Variants in HERPUD2 observed in about 807,000 individuals in gnomAD.
HERPUD2 encodes homocysteine-responsive endoplasmic reticulum-resident ubiquitin-like domain member 2 protein.
A neutral mutation model predicts 49.9 loss-of-function variants in HERPUD2; 13 were observed. The observed-to-expected ratio is 0.26, with a 90% CI of 0.17 to 0.41. The LOEUF is 0.41. Ranked by LOEUF, HERPUD2 falls within the 10% of genes least tolerant of loss-of-function variation. The probability of loss-of-function intolerance (pLI) is 1.00; values close to 1 mark genes in which losing one functional copy is unlikely to be tolerated. For synonymous variants in HERPUD2, 172 were observed against 171.4 expected (o/e 1.00, Z -0.03); for missense variants, 449 against 492.2 (o/e 0.91, Z 0.83).
intron 2 of HERPUD2, among the ~76,000 whole-genome samples, chr7:35,674,814 C>T (rs1331288866): frequency 2.0e-5 from 3 of 152,062 alleles, no homozygotes; most frequent in Admixed American, 6.6e-5. Context: ...TAGAATGAGT[C>T]GAAGTTCCTC....
chr7:35,673,791 A>G (rs1785692922), intron 2 of HERPUD2, among the ~76,000 whole-genome samples: 1 of 152,130 alleles, frequency 6.6e-6, no homozygotes, highest in Non-Finnish European at 1.5e-5. Context: ...TTAATTCAAG[A>G]GCCATTTAGA....
intron 6 of HERPUD2, among the ~76,000 whole-genome samples, 178 bp downstream of exon 6, chr7:35,638,172 G>C (rs2115829814): frequency 6.6e-6 from 1 of 152,342 alleles, no homozygotes. Context: ...AGGGAAGACA[G>C]GGAGGAGCCA....
Position 35,676,144 on chromosome 7 carries a change from A to T in HERPUD2, c.148-2866T>A, listed in dbSNP as rs370483928. On this transcript the variant is annotated intron_variant, in intron 2 of 8. Transcript: ENST00000311350. ...GAATCCAAATAAGGTTCACACACAA[A>T]ATTTGACTGTTATGCCTCTTTTAAT... Among the ~76,000 whole-genome samples, 17 of 152,292 alleles carry T rather than the reference A, an allele frequency of 1.1e-4. 1 individual carries two copies. The East Asian group carries it at 3.3e-3, about 29-fold the overall frequency.
At chr7:35,647,458 T>C (rs1785077166) in intron 5 of HERPUD2, among the ~76,000 whole-genome samples, 1 of 152,176 alleles carries the variant, frequency 6.6e-6, no homozygotes, top group Admixed American at 6.5e-5. Context: ...CCTGAGTGCC[T>C]AGTACACAGC....
At position 35,674,906 on chromosome 7, in the gene HERPUD2, GTATCCTTTGTAATAA is replaced by G. The variant is rs967056319; in HGVS notation, c.148-1643_148-1629del. The stretch of plus-strand genomic sequence containing the variant: ...CGTCCTATGCATCTCTCTTCCATTT[GTATCCTTTGTAATAA>G]TATCCTTTGTAAGTGAGCAAATGTA... On this transcript the variant is annotated intron_variant, in intron 2 of 8. Transcript: ENST00000311350. Among the ~76,000 whole-genome samples the G allele has an allele frequency of 5.9e-5, 9 of 152,116 alleles. No homozygotes were observed. The South Asian group carries it at 1.0e-3, about 18-fold the overall frequency.
intron 5 of HERPUD2, among the ~76,000 whole-genome samples, chr7:35,656,078 C>T (rs1399795480): frequency 6.6e-6 from 1 of 152,142 alleles, no homozygotes; most frequent in Non-Finnish European, 1.5e-5. Context: ...AGGAGAATCT[C>T]TTGAACCAGA....
chr7:35,662,898 T>C (rs1201899852), intron 5 of HERPUD2, among the ~76,000 whole-genome samples: 2 of 152,258 alleles, frequency 1.3e-5, no homozygotes, highest in Admixed American at 6.5e-5. Flanking sequence ...TAGTTATTTC[T>C]TGCCTTCTGC....
At chr7:35,655,759 T>C (rs1280518289) in intron 5 of HERPUD2, among the ~76,000 whole-genome samples, 1 of 152,210 alleles carries the variant, frequency 6.6e-6, no homozygotes, top group Non-Finnish European at 1.5e-5. Flanking sequence ...CATCCCTCTT[T>C]GTAGATAAAG....
At chr7:35,686,808 TGGGGGGGG>T (rs1215387825) in intron 2 of HERPUD2, among the ~76,000 whole-genome samples, 387 of 4,306 alleles carry the variant, frequency 0.09, 93 homozygotes, top group South Asian at 0.23. Flanking sequence ...TTTGGGAGGC[TGGGGGGGG>T]GGGGGTGGGG....
intron 7 of HERPUD2, 106 bp from the exon 8 acceptor site, chr7:35,634,535 A>C: frequency 1.5e-6 from 1 of 667,664 alleles, no homozygotes; most frequent in South Asian, 2.1e-5. Flanking sequence ...TTAAAACTAT[A>C]ATAAATAAAA....
rs571167230 is a variant in HERPUD2 at position 35,647,690 on chromosome 7, C to T, written c.495-9218G>A. On this transcript the variant is annotated intron_variant, in intron 5 of 8. Coordinates refer to ENST00000311350, the MANE Select transcript of HERPUD2 (RefSeq NM_022373.5). ...CAAATGATAGACAAAATAGTCACTT[C>T]GGCAATGCTGTTAAGAATATAGGCC... is the stretch of plus-strand genomic sequence containing the variant. Among the ~76,000 whole-genome samples the T allele has an allele frequency of 6.7e-4, 102 of 152,250 alleles. 1 individual carries two copies. Among genetic ancestry groups the T allele is most frequent in the African/African-American group, 2.3e-3 (94 of 41,544 alleles).
At chr7:35,675,325 T>C (rs1350832178) in intron 2 of HERPUD2, among the ~76,000 whole-genome samples, 1 of 152,196 alleles carries the variant, frequency 6.6e-6, no homozygotes, top group South Asian at 2.1e-4. Context: ...CCTATATCCA[T>C]ATAGGCACTG....
rs1562686018 is a variant in HERPUD2 at position 35,682,263 on chromosome 7, ATATATAGATATATACACATACACACG to A, written c.148-9011_148-8986del. 6.4e-4 allele frequency among the ~76,000 whole-genome samples: 24 copies of A among 37,388 alleles called. 1 individual carries two copies. Among genetic ancestry groups the A allele is most frequent in the African/African-American group, 2.3e-3 (24 of 10,412 alleles). The allele number at this position is 37,388 out of a possible 152,430, so 24.5% of individuals were successfully genotyped here. ...TACACATACACACGTGTGTGTGTGT[ATATATAGATATATACACATACACACG>A]TGTGTGTGTGTATATATAGATATAT... On this transcript the variant is annotated intron_variant, in intron 2 of 8. Transcript: ENST00000311350.
intron 2 of HERPUD2, among the ~76,000 whole-genome samples, chr7:35,689,382 T>A (rs550421118): frequency 7.6e-4 from 116 of 152,358 alleles, no homozygotes; most frequent in Admixed American, 1.4e-3. Context: ...ACAATAGTTT[T>A]ATAAAACAAA....
chr7:35,650,308 A>G (rs1272776716), intron 5 of HERPUD2, among the ~76,000 whole-genome samples: 1 of 152,164 alleles, frequency 6.6e-6, no homozygotes, highest in African/African-American at 2.4e-5. Flanking sequence ...AAGGCTCCCC[A>G]GTGCAGGGAA....
intron 5 of HERPUD2, among the ~76,000 whole-genome samples, chr7:35,657,394 CT>C (rs1483187302): frequency 1.3e-5 from 2 of 152,012 alleles, no homozygotes; most frequent in Non-Finnish European, 2.9e-5. Context: ...AAAGGGACCT[CT>C]TATACACTGT....
rs146571035 is a variant in HERPUD2 at position 35,665,419 on chromosome 7, G to T, written c.494+2015C>A. Among the ~76,000 whole-genome samples, 1,045 of 152,366 alleles carry T rather than the reference G, an allele frequency of 6.9e-3. 10 individuals are homozygous for T. The highest frequency in any genetic ancestry group is 0.024 in the African/African-American group (993 of 41,584). ...CTTGGGCATGGGACCCTCTGAGCCA[G>T]GCGCGGGATATAATCTCCTGGTGAG... On this transcript the variant is annotated intron_variant, in intron 5 of 8. Transcript: ENST00000311350.
At chr7:35,688,577 C>A (rs754962502) in intron 2 of HERPUD2, among the ~76,000 whole-genome samples, 2 of 152,202 alleles carry the variant, frequency 1.3e-5, no homozygotes. Flanking sequence ...TGCATCTAAT[C>A]TTTCCTATAA....
At chr7:35,639,169 C>T (rs1452538047) in intron 5 of HERPUD2, among the ~76,000 whole-genome samples, 1 of 151,972 alleles carries the variant, frequency 6.6e-6, no homozygotes, top group Non-Finnish European at 1.5e-5. Flanking sequence ...GCTGGGACTA[C>T]AGGCACGCGC....
Sources: gnomAD v4.1 joint callset for allele counts (sites outside exome capture counted in the v4.1 genomes callset) on GRCh38, gnomAD v4.1.1 for gene constraint, MANE v1.5 for transcripts, NCBI Gene and HGNC (gene_info 2026-07-23, HGNC 2026-07-21) for gene names.